GRID1: variants seen among roughly 807,000 people sequenced by gnomAD.
GRID1 encodes the protein glutamate ionotropic receptor delta type subunit 1.
Under a neutral mutation model 98.0 loss-of-function variants are expected in GRID1, and 28 were observed. The observed-to-expected ratio is 0.29, with a 90% CI of 0.21 to 0.39. The LOEUF (loss-of-function observed/expected upper bound fraction) is 0.39, where lower values mean the gene tolerates loss of function less well. GRID1 is among the 10% of genes least tolerant of loss of function. GRID1 has a pLI of 1.00. For synonymous variants in GRID1, 553 were observed against 538.5 expected (o/e 1.03, Z -0.37); for missense variants, 1,111 against 1,340.5 (o/e 0.83, Z 2.67).
intron 2 of GRID1, among the ~76,000 whole-genome samples, chr10:86,273,401 G>T (rs1463045272): frequency 1.4e-5 from 2 of 145,748 alleles, no homozygotes; most frequent in Non-Finnish European, 3.0e-5. Flanking sequence ...ATAGCAGCAT[G>T]ATTTATAGTC....
intron 4 of GRID1, among the ~76,000 whole-genome samples, chr10:86,054,057 T>C (rs964447969): frequency 3.9e-5 from 6 of 152,202 alleles, no homozygotes; most frequent in Middle Eastern, 3.2e-3. Context: ...TGAAGTTCTG[T>C]CCTTATGCCT....
intron 4 of GRID1, among the ~76,000 whole-genome samples, chr10:85,942,356 G>A (rs1842006173): frequency 6.6e-6 from 1 of 152,124 alleles, no homozygotes; most frequent in Non-Finnish European, 1.5e-5. Flanking sequence ...ATGTTGGTGG[G>A]GGTCTCCACC....
intron 12 of GRID1, among the ~76,000 whole-genome samples, chr10:85,706,247 A>G (rs571051566): frequency 2.9e-3 from 436 of 152,348 alleles, no homozygotes; most frequent in Admixed American, 6.5e-3. Flanking sequence ...TTAAGCTGAT[A>G]AGCAACTTCA....
At position 86,056,492 on chromosome 10, in the gene GRID1, AG is replaced by A. The variant is rs1471904981; in HGVS notation, c.726+82326del. On this transcript the variant is annotated intron_variant, in intron 4 of 15. Coordinates refer to ENST00000327946, the MANE Select transcript of GRID1 (RefSeq NM_017551.3). ...AAGGGTGCCAATCTTGAGTTCCAGA[AG>A]CCAGAACTCTTAGGATCTGCTTATG... 1.4e-4 allele frequency among the ~76,000 whole-genome samples: 21 copies of A among 152,312 alleles called. No homozygotes were observed. The East Asian group carries it at 3.7e-3, about 27-fold the overall frequency.
At chr10:85,682,849 C>A (rs1008287187) in intron 12 of GRID1, among the ~76,000 whole-genome samples, 1 of 152,190 alleles carries the variant, frequency 6.6e-6, no homozygotes, top group Non-Finnish European at 1.5e-5. Context: ...CACAAGCCTG[C>A]CTGTTGTGAG....
chr10:86,166,455 A>T (rs1289433078), intron 3 of GRID1, among the ~76,000 whole-genome samples: 2 of 152,214 alleles, frequency 1.3e-5, no homozygotes, highest in Non-Finnish European at 2.9e-5. Context: ...TCTTAGCAGC[A>T]TTTACTGAGC....
Position 85,647,414 on chromosome 10 carries a change from C to T in GRID1, c.1998-17G>A, listed in dbSNP as rs1340811967. On this transcript the variant is annotated splice_polypyrimidine_tract_variant and intron_variant, in intron 12 of 15. Transcript: ENST00000327946. ...TGGAAAGTCCTGAAATGCAGAAAGGCAGCGAGGCATGAGTACATGCTGTGC... is the reference window on the plus strand; with the variant it reads ...TGGAAAGTCCTGAAATGCAGAAAGGTAGCGAGGCATGAGTACATGCTGTGC... The T allele has an allele frequency of 1.2e-6, 2 of 1,604,884 alleles. No individual in the cohort carries two copies. Among genetic ancestry groups the T allele is most frequent in the South Asian group, 2.2e-5 (2 of 90,716 alleles).
chr10:85,832,841 G>A (rs1318100468), intron 8 of GRID1, among the ~76,000 whole-genome samples: 1 of 152,044 alleles, frequency 6.6e-6, no homozygotes, highest in African/African-American at 2.4e-5. Flanking sequence ...AATACCAAAA[G>A]GACAATCAAT....
intron 4 of GRID1, among the ~76,000 whole-genome samples, chr10:86,104,667 T>C (rs1430173334): frequency 6.6e-6 from 1 of 152,216 alleles, no homozygotes; most frequent in Non-Finnish European, 1.5e-5. Flanking sequence ...CCTTGTTCCA[T>C]AGGGCCTGGC....
chr10:86,290,749 A>T (rs74149513), intron 2 of GRID1, among the ~76,000 whole-genome samples: 8,392 of 152,292 alleles, frequency 0.055, 436 homozygotes, highest in African/African-American at 0.14. Flanking sequence ...GTTTGGGAGA[A>T]ATAGGAAGTA....
intron 14 of GRID1, 85 bp downstream of exon 14, chr10:85,619,782 G>A (rs953325273): frequency 6.0e-6 from 6 of 1,003,968 alleles, no homozygotes; most frequent in Non-Finnish European, 7.6e-6. Flanking sequence ...GTTTGCATTG[G>A]CTCTTATCTT....
intron 8 of GRID1, among the ~76,000 whole-genome samples, chr10:85,744,147 A>T (rs150492953): frequency 1.4e-3 from 218 of 152,284 alleles, no homozygotes; most frequent in African/African-American, 5.0e-3. Context: ...AAGACTTCAT[A>T]CATATTTAAA....
chr10:85,663,971 G>C (rs1840993364), intron 12 of GRID1, among the ~76,000 whole-genome samples: 1 of 152,132 alleles, frequency 6.6e-6, no homozygotes, highest in African/African-American at 2.4e-5. Context: ...AACCTGTAAA[G>C]AGACACCTCC....
intron 2 of GRID1, among the ~76,000 whole-genome samples, chr10:86,262,186 C>T (rs934922169): frequency 4.6e-5 from 7 of 152,228 alleles, no homozygotes; most frequent in Admixed American, 4.6e-4. Flanking sequence ...AGTTAGTCTG[C>T]CCCTCAGCAG....
chr10:85,744,650 C>T (rs1264492572), intron 8 of GRID1, among the ~76,000 whole-genome samples: 2 of 100,470 alleles, frequency 2.0e-5, no homozygotes, highest in Non-Finnish European at 3.9e-5. Context: ...CCATTCAGGA[C>T]ATAGGCACGG....
chr10:86,346,720 C>T (rs566792556), intron 2 of GRID1, among the ~76,000 whole-genome samples: 1 of 152,204 alleles, frequency 6.6e-6, no homozygotes, highest in African/African-American at 2.4e-5. Context: ...CCCCACTAGG[C>T]AGAAGGATAA....
chr10:86,035,986 C>A (rs17106188), intron 4 of GRID1, among the ~76,000 whole-genome samples: 1 of 152,196 alleles, frequency 6.6e-6, no homozygotes, highest in African/African-American at 2.4e-5. Flanking sequence ...TGGACCTGGG[C>A]GTGTCTTCAA....
At position 86,171,821 on chromosome 10, in the gene GRID1, A is replaced by G. The variant is rs927096597; in HGVS notation, c.521-32797T>C. 3.3e-5 allele frequency among the ~76,000 whole-genome samples: 5 copies of G among 152,226 alleles called. No individual in the cohort carries two copies. In the East Asian group the frequency reaches 9.6e-4, roughly 29 times the overall value. Reference sequence around the variant, plus strand: ...TTCCAGAGTCTTCATAGCATGATTCATATCAAGCATTTCAGAAAGCAAACG... The same window carrying G: ...TTCCAGAGTCTTCATAGCATGATTCGTATCAAGCATTTCAGAAAGCAAACG... On this transcript the variant is annotated intron_variant, in intron 3 of 15. Transcript: ENST00000327946.
At chr10:86,182,747 C>T (rs1271556335) in intron 3 of GRID1, among the ~76,000 whole-genome samples, 2 of 152,190 alleles carry the variant, frequency 1.3e-5, no homozygotes, top group African/African-American at 2.4e-5. Context: ...CTGCTCCACC[C>T]TTTCTCTCTC....
Sources: allele counts gnomAD v4.1 joint callset (sites outside exome capture counted in the v4.1 genomes callset), GRCh38; gene constraint gnomAD v4.1.1; transcripts MANE v1.5; gene names NCBI Gene and HGNC (gene_info 2026-07-23, HGNC 2026-07-21).